The following RGCC variants were observed in gnomAD, a reference collection of about 807,000 sequenced individuals.
RGCC encodes the protein regulator of cell cycle RGCC.
Under a neutral mutation model 15.4 loss-of-function variants are expected in RGCC, and 15 were observed. That is an observed-to-expected ratio of 0.97 (90% CI 0.65 to 1.50). The LOEUF (loss-of-function observed/expected upper bound fraction) is 1.50. RGCC is among the 40% of genes most tolerant of loss of function. The pLI is 0.00. For synonymous variants in RGCC, 81 were observed against 78.0 expected (o/e 1.04, Z -0.20); for missense variants, 176 against 189.7 (o/e 0.93, Z 0.42).
intron 3 of RGCC, among the ~76,000 whole-genome samples, chr13:41,467,371 G>C (rs892502809): frequency 2.0e-5 from 3 of 152,158 alleles, no homozygotes; most frequent in African/African-American, 7.2e-5. Flanking sequence ...CAATTAAATG[G>C]GGTTGTCATT....
intron 2 of RGCC, among the ~76,000 whole-genome samples, chr13:41,459,980 TG>T (rs1312433033): frequency 1.3e-5 from 2 of 152,280 alleles, no homozygotes; most frequent in East Asian, 1.9e-4. Context: ...TTCCACTGGG[TG>T]GGATTTCAGA....
chr13:41,465,885 T>G (rs1014625854), intron 2 of RGCC, among the ~76,000 whole-genome samples: 1 of 152,048 alleles, frequency 6.6e-6, no homozygotes, highest in South Asian at 2.1e-4. Flanking sequence ...GGATACTGGA[T>G]GTTTGTATTT....
intron 3 of RGCC, 126 bp downstream of exon 3, chr13:41,467,056 A>T (rs2139577780): frequency 1.5e-6 from 1 of 666,468 alleles, no homozygotes; most frequent in Non-Finnish European, 2.7e-6. Context: ...GGTAAGACTA[A>T]TGTCTTAATA....
intron 4 of RGCC, among the ~76,000 whole-genome samples, chr13:41,469,295 T>TAATAATAATAAGAAG (rs869157194): frequency 4.6e-4 from 40 of 86,744 alleles, no homozygotes; most frequent in Middle Eastern, 6.4e-3. Flanking sequence ...ATAATAATAA[T>TAATAATAATAAGAAG]AAGAAGAAGA....
At chr13:41,468,737 ACTCTCT>A (rs150442518) in intron 3 of RGCC, 33 bp from the exon 4 acceptor site, 33 of 1,316,716 alleles carry the variant, frequency 2.5e-5, no homozygotes, top group Middle Eastern at 1.9e-4. Context: ...TGGAAACTGA[ACTCTCT>A]CTCTCTCTCT....
At chr13:41,470,380 GT>G (rs1178461052) in intron 4 of RGCC, 97 bp from the exon 5 acceptor site, 23 of 1,265,414 alleles carry the variant, frequency 1.8e-5, no homozygotes, top group Non-Finnish European at 2.7e-5. Flanking sequence ...CCAGCATTGA[GT>G]TTGGTGCTTT....
At position 41,470,697 on chromosome 13, in the gene RGCC, C is replaced by A; in HGVS notation, c.*212C>A. 1.7e-6 allele frequency: 1 copy of A among 581,436 alleles called. No homozygotes were observed. Among genetic ancestry groups the A allele is most frequent in the Non-Finnish European group, 3.1e-6 (1 of 325,908 alleles). The allele number at this position is 581,436 out of a possible 1,614,324, so 36.0% of individuals were successfully genotyped here. ...GAAACTGACTTTGTTTACCTGCTTG[C>A]AGCATATTAGAACAGACGATCCATG... On this transcript the variant is annotated 3_prime_UTR_variant, in exon 5 of 5. Coordinates refer to ENST00000379359, the MANE Select transcript of RGCC (RefSeq NM_014059.3).
In RGCC at chr13:41,470,435, G is replaced by A. The variant is rs761037918; in HGVS notation, c.407-43G>A. 1.9e-6 allele frequency: 3 copies of A among 1,606,264 alleles called. No homozygotes were observed. The East Asian group carries it at 6.7e-5, about 36-fold the overall frequency. Reference sequence around the variant, plus strand: ...TGTGATGTGGTTAAGCATAGGAATTGTGAGCCTCTGAGTGGATAACCTTAC... The same window carrying A: ...TGTGATGTGGTTAAGCATAGGAATTATGAGCCTCTGAGTGGATAACCTTAC... On this transcript the variant is annotated intron_variant, in intron 4 of 4. Coordinates refer to ENST00000379359, the MANE Select transcript of RGCC (RefSeq NM_014059.3).
chr13:41,461,505 T>A (rs1053217313), intron 2 of RGCC, among the ~76,000 whole-genome samples: 4 of 152,250 alleles, frequency 2.6e-5, no homozygotes, highest in African/African-American at 9.6e-5. Flanking sequence ...GTTGACTTTA[T>A]AAGAAGTTTA....
At chr13:41,461,701 T>C (rs529989756) in intron 2 of RGCC, among the ~76,000 whole-genome samples, 2 of 152,206 alleles carry the variant, frequency 1.3e-5, no homozygotes, top group South Asian at 4.1e-4. Context: ...CTGGCTTCTT[T>C]AGCATCAGCA....
chr13:41,461,731 A>G (rs928022093), intron 2 of RGCC, among the ~76,000 whole-genome samples: 1 of 152,194 alleles, frequency 6.6e-6, no homozygotes, highest in Admixed American at 6.5e-5. Context: ...ACACCTGCAT[A>G]TCTTTGCTTA....
At chr13:41,468,171 G>A (rs1376060474) in intron 3 of RGCC, among the ~76,000 whole-genome samples, 1 of 152,192 alleles carries the variant, frequency 6.6e-6, no homozygotes, top group African/African-American at 2.4e-5. Flanking sequence ...CACCTTCCCT[G>A]TACCATTTTG....
Position 41,458,428 on chromosome 13 carries a change from A to G in RGCC, c.193A>G (p.Ser65Gly), listed in dbSNP as rs747308445. Reference protein sequence around the residue: ...EHLERMKRRSSASVSDSSGFS... With the variant: ...EHLERMKRRSGASVSDSSGFS... Reference sequence around the variant, plus strand: ...CCTGGAGCGCATGAAGCGGCGCAGCAGCGCCAGTGTCAGCGACAGCAGCGG... The same window carrying G: ...CCTGGAGCGCATGAAGCGGCGCAGCGGCGCCAGTGTCAGCGACAGCAGCGG... The change falls in exon 2 of 5, where the codon AGC becomes GGC. Residue 65 changes from serine to glycine, a missense_variant. By Grantham distance (56) the Ser-to-Gly change is moderately conservative. Transcript: ENST00000379359. This position sits in a 1 kb window ranked among gnomAD's most constrained non-coding sequence, Gnocchi z 4.4. The G allele has an allele frequency of 1.7e-5, 27 of 1,602,006 alleles. No individual in the cohort carries two copies. The highest frequency in any genetic ancestry group is 2.2e-5 in the Non-Finnish European group (26 of 1,178,910).
At chr13:41,463,933 T>G (rs1232084692) in intron 2 of RGCC, among the ~76,000 whole-genome samples, 1 of 152,158 alleles carries the variant, frequency 6.6e-6, no homozygotes, top group Non-Finnish European at 1.5e-5. Context: ...GTGAACAAAT[T>G]GTGGTGTCTT....
intron 3 of RGCC, among the ~76,000 whole-genome samples, chr13:41,467,682 C>T (rs1351539669): frequency 1.3e-5 from 2 of 152,144 alleles, no homozygotes; most frequent in Non-Finnish European, 2.9e-5. Flanking sequence ...TTCACTTTGG[C>T]AATAAGACAG....
intron 2 of RGCC, chr13:41,464,114 G>T (rs947467308): frequency 6.6e-6 from 1 of 152,598 alleles, no homozygotes; most frequent in African/African-American, 2.4e-5. Flanking sequence ...GATAGAGAGC[G>T]GAGGTGTGGT....
At chr13:41,460,567 T>C (rs2043816147) in intron 2 of RGCC, among the ~76,000 whole-genome samples, 1 of 152,246 alleles carries the variant, frequency 6.6e-6, no homozygotes, top group African/African-American at 2.4e-5. Context: ...ATCACATGCC[T>C]GTTTGTCAAT....
chr13:41,457,882 C>T lies in RGCC; in HGVS notation c.49+126C>T, dbSNP rs2043800479. 7.7e-6 allele frequency: 10 copies of T among 1,299,592 alleles called. No homozygotes were observed. The South Asian group carries it at 1.8e-4, about 24-fold the overall frequency. 80.5% of individuals were successfully genotyped at this position (1,299,592 alleles called of 1,614,324 possible). ...ATCCTCCCCGGCGGGAACCTGTCCC[C>T]GGTCTTCCCGCGCGGGCGGCTGCAG... is the stretch of plus-strand genomic sequence containing the variant. On this transcript the variant is annotated intron_variant, in intron 1 of 4. Coordinates refer to ENST00000379359, the MANE Select transcript of RGCC (RefSeq NM_014059.3). This position sits in a 1 kb window ranked among gnomAD's most constrained non-coding sequence, Gnocchi z 4.9.
chr13:41,466,836 T>C lies in RGCC; in HGVS notation c.249T>C (p.Leu83=). The change falls in exon 3 of 5, where the codon CTT becomes CTC. Residue 83 remains leucine, a synonymous_variant. Transcript: ENST00000379359. Reference sequence around the variant, plus strand: ...CCTTCCTGAAAGGTGCAGATTCACTTTATAGGAACAGCTTCAGCTTCAGTG... The same window carrying C: ...CCTTCCTGAAAGGTGCAGATTCACTCTATAGGAACAGCTTCAGCTTCAGTG... The part of the protein sequence containing the change: ...GFSDSESADS[L]YRNSFSFSDE... 6.2e-7 allele frequency: 1 copy of C among 1,612,894 alleles called. No individual in the cohort carries two copies. The highest frequency in any genetic ancestry group is 8.5e-7 in the Non-Finnish European group (1 of 1,178,932).
Sources: gnomAD v4.1 joint callset for allele counts (sites outside exome capture counted in the v4.1 genomes callset) on GRCh38, gnomAD v4.1.1 for gene constraint, Gnocchi (gnomAD v3.1) non-coding constraint, MANE v1.5 for transcripts, NCBI Gene and HGNC (gene_info 2026-07-23, HGNC 2026-07-21) for gene names.